The following GDPD1 variants were observed in gnomAD, a reference collection of about 807,000 sequenced individuals.
GDPD1 encodes lysophospholipase D GDPD1.
GDPD1 carries 28 observed loss-of-function variants against 45.1 expected under a neutral mutation model. The observed-to-expected ratio is 0.62, with a 90% confidence interval of 0.46 to 0.85. The LOEUF is 0.85. Among genes scored for constraint, GDPD1 ranks in the 40% least tolerant of loss-of-function variants. The probability of loss-of-function intolerance (pLI) is 0.00; values close to 1 mark genes in which losing one functional copy is unlikely to be tolerated. For synonymous variants in GDPD1, 139 were observed against 131.4 expected, an observed-to-expected ratio of 1.06 and a Z score of -0.40; for missense variants, 256 against 364.8, an observed-to-expected ratio of 0.70 and a Z score of 2.43.
intron 6 of GDPD1, among the ~76,000 whole-genome samples, chr17:59,264,863 CAG>C (rs1183640418): frequency 6.6e-6 from 1 of 152,002 alleles, no homozygotes; most frequent in African/African-American, 2.4e-5. Flanking sequence ...TAATTTGAGA[CAG>C]AGTCTCACTC....
In GDPD1 at chr17:59,234,590, CTT is replaced by C. The variant is rs151029801; in HGVS notation, c.185+58_185+59del. ...TTTTCTTTTACAGTTTGCAGGCTTTCTTTAAAGTGATGATGATCCACAAAGTG... is the reference window on the plus strand; with the variant it reads ...TTTTCTTTTACAGTTTGCAGGCTTTCTAAAGTGATGATGATCCACAAAGTG... On this transcript the variant is annotated intron_variant, in intron 2 of 9. Coordinates refer to ENST00000284116, the MANE Select transcript of GDPD1 (RefSeq NM_182569.4). 1.4e-3 allele frequency: 1,580 copies of C among 1,127,696 alleles called. 13 individuals are homozygous for C. In the African/African-American group the frequency reaches 0.022, roughly 15 times the overall value. 69.9% of individuals were successfully genotyped at this position (1,127,696 alleles called of 1,614,324 possible).
At position 59,272,776 on chromosome 17, in the gene GDPD1, C is replaced by A. The variant is rs767434226; in HGVS notation, c.771-9C>A. 1.9e-6 allele frequency: 3 copies of A among 1,582,042 alleles called. No homozygotes were observed. In the South Asian group the frequency reaches 3.3e-5, roughly 18 times the overall value. On this transcript the variant is annotated splice_polypyrimidine_tract_variant and intron_variant, in intron 8 of 9. Transcript: ENST00000284116. ...AATTCCTAAATCAGTTTTGCTTTTT[C>A]TTTTCTAGCTTACTAATGAGGAAAG...
chr17:59,273,701 T>G lies in GDPD1; in HGVS notation c.873T>G (p.Asp291Glu). ...NEEQEYKRAF[D>E]LGATGVMTDY... ...AACAAGAATACAAAAGAGCTTTTGATTTGGGAGCAACTGGGGTGATGACAG... is the reference window on the plus strand; with the variant it reads ...AACAAGAATACAAAAGAGCTTTTGAGTTGGGAGCAACTGGGGTGATGACAG... Residue 291 changes from aspartate to glutamate, a missense_variant, in exon 10 of 10, where the codon GAT becomes GAG. Transcript: ENST00000284116. 6.3e-7 allele frequency: 1 copy of G among 1,595,376 alleles called. No homozygotes were observed. Among genetic ancestry groups the G allele is most frequent in the Non-Finnish European group, 8.6e-7 (1 of 1,166,988 alleles).
rs573965065 is a variant in GDPD1 at position 59,266,105 on chromosome 17, T to C, written c.577-936T>C. 8.0e-4 allele frequency among the ~76,000 whole-genome samples: 122 copies of C among 151,660 alleles called. 1 individual carries two copies. Among genetic ancestry groups the C allele is most frequent in the African/African-American group, 2.7e-3 (110 of 41,408 alleles). Reference sequence around the variant, plus strand: ...TAAAAAATGATTAAGATCTTAAATTTGGCTGGTGCGGTGGCTCACACTTGT... The same window carrying C: ...TAAAAAATGATTAAGATCTTAAATTCGGCTGGTGCGGTGGCTCACACTTGT... On this transcript the variant is annotated intron_variant, in intron 6 of 9. Coordinates refer to ENST00000284116, the MANE Select transcript of GDPD1 (RefSeq NM_182569.4).
At chr17:59,221,848 T>C (rs1315510270) in intron 1 of GDPD1, among the ~76,000 whole-genome samples, 1 of 152,186 alleles carries the variant, frequency 6.6e-6, no homozygotes, top group Non-Finnish European at 1.5e-5. Flanking sequence ...TGTAGTACCA[T>C]AATCACTTTA....
chr17:59,238,804 T>A (rs540223495), intron 2 of GDPD1, among the ~76,000 whole-genome samples: 1 of 152,320 alleles, frequency 6.6e-6, no homozygotes, highest in South Asian at 2.1e-4. Context: ...AGACACTCAC[T>A]AGTTGCTTAC....
chr17:59,252,674 G>C (rs1343381934), intron 4 of GDPD1, among the ~76,000 whole-genome samples: 2 of 151,968 alleles, frequency 1.3e-5, no homozygotes, highest in African/African-American at 4.8e-5. Context: ...CTCCAGCCTG[G>C]GCAACAGAGC....
intron 1 of GDPD1, among the ~76,000 whole-genome samples, chr17:59,223,919 G>A (rs1238182239): frequency 6.6e-6 from 1 of 152,098 alleles, no homozygotes; most frequent in African/African-American, 2.4e-5. Flanking sequence ...AGGGCACTCC[G>A]AGGGGTTGAA....
chr17:59,263,447 A>G (rs1394767620), intron 6 of GDPD1, among the ~76,000 whole-genome samples: 1 of 151,286 alleles, frequency 6.6e-6, no homozygotes, highest in Non-Finnish European at 1.5e-5. Context: ...CATACTATAT[A>G]ATTGATACAA....
At chr17:59,268,732 A>T (rs1428236075) in intron 7 of GDPD1, among the ~76,000 whole-genome samples, 3 of 152,052 alleles carry the variant, frequency 2.0e-5, no homozygotes, top group Non-Finnish European at 4.4e-5. Flanking sequence ...TTAGTGTAGC[A>T]GTCATCAGAC....
intron 1 of GDPD1, among the ~76,000 whole-genome samples, chr17:59,229,549 TG>T (rs1329514188): frequency 2.0e-5 from 3 of 148,796 alleles, no homozygotes; most frequent in Middle Eastern, 3.4e-3. Context: ...TTAGTAGAGA[TG>T]GGGGTTTCAC....
intron 6 of GDPD1, among the ~76,000 whole-genome samples, chr17:59,261,913 CTT>C (rs58058526): frequency 1.5e-4 from 12 of 79,334 alleles, no homozygotes; most frequent in African/African-American, 7.6e-4. Flanking sequence ...AGATTACAGG[CTT>C]TTTTTTTTTT....
At chr17:59,258,040 C>A (rs1248229238) in intron 6 of GDPD1, among the ~76,000 whole-genome samples, 200 bp downstream of exon 6, 1 of 152,046 alleles carries the variant, frequency 6.6e-6, no homozygotes, top group Admixed American at 6.5e-5. Flanking sequence ...GATCCTCCTG[C>A]CTCAGCCTCT....
chr17:59,249,050 A>G (rs1468361959), intron 4 of GDPD1: 1 of 263,432 alleles, frequency 3.8e-6, no homozygotes, highest in African/African-American at 2.2e-5. Flanking sequence ...AAATTCTAGA[A>G]TATTGCCGCA....
At chr17:59,242,615 G>A (rs1444763066) in intron 2 of GDPD1, among the ~76,000 whole-genome samples, 1 of 152,118 alleles carries the variant, frequency 6.6e-6, no homozygotes, top group Non-Finnish European at 1.5e-5. Context: ...AAAATCATAT[G>A]ATTGATGCAG....
Position 59,270,934 on chromosome 17 carries a change from A to G in GDPD1, c.711-2A>G. On this transcript the variant is annotated splice_acceptor_variant, in intron 7 of 9. Coordinates refer to ENST00000284116, the MANE Select transcript of GDPD1 (RefSeq NM_182569.4). LOFTEE classifies it high-confidence loss of function. ...TGTAATTCAAACTTTATTTTACCCTAGGCTAAAAGAACCACACACCATGTC... is the reference window on the plus strand; with the variant it reads ...TGTAATTCAAACTTTATTTTACCCTGGGCTAAAAGAACCACACACCATGTC... 6.3e-7 allele frequency: 1 copy of G among 1,585,446 alleles called. No individual in the cohort carries two copies. Among genetic ancestry groups the G allele is most frequent in the Non-Finnish European group, 8.6e-7 (1 of 1,160,416 alleles).
chr17:59,231,011 C>T (rs763743403), intron 1 of GDPD1, among the ~76,000 whole-genome samples: 1 of 152,260 alleles, frequency 6.6e-6, no homozygotes, highest in East Asian at 1.9e-4. Flanking sequence ...TCACTGTCTT[C>T]AAGGAGTGAA....
intron 2 of GDPD1, among the ~76,000 whole-genome samples, chr17:59,237,430 A>G (rs776834836): frequency 9.9e-5 from 15 of 152,110 alleles, no homozygotes; most frequent in Non-Finnish European, 2.2e-4. Flanking sequence ...AAATAAATAA[A>G]CATACTGTTT....
Position 59,245,523 on chromosome 17 carries a change from G to A in GDPD1, c.295G>A (p.Val99Ile), listed in dbSNP as rs145860517. 1 of 1,610,692 alleles carries A rather than the reference G, an allele frequency of 6.2e-7. No homozygotes were observed. Among genetic ancestry groups the A allele is most frequent in the South Asian group, 1.1e-5 (1 of 90,784 alleles). Residue 99 changes from valine (V) to isoleucine (I), a missense_variant, in exon 3 of 10, where the codon GTA (valine) becomes ATA (isoleucine). Transcript: ENST00000284116. ...TCTAAAGAGAGCAACTGGGGTCAAT[G>A]TAAACATCTCTGATCTCAAATACTG... ...ENLKRATGVN[V>I]NISDLKYCEL... is the part of the protein sequence containing the mutation.
Sources: gnomAD v4.1 joint callset for allele counts (sites outside exome capture counted in the v4.1 genomes callset) on GRCh38, gnomAD v4.1.1 for gene constraint, MANE v1.5 for transcripts, NCBI Gene and HGNC (gene_info 2026-07-23, HGNC 2026-07-21) for gene names.